The following CDON variants were observed in gnomAD, a reference collection of about 807,000 sequenced individuals.
CDON encodes cell adhesion molecule-related/down-regulated by oncogenes.
CDON carries 73 observed loss-of-function variants against 120.9 expected under a neutral mutation model. That is an observed-to-expected ratio of 0.60 (90% CI 0.50 to 0.73). CDON has a LOEUF of 0.73. Ranked by LOEUF, CDON falls within the 30% of genes least tolerant of loss-of-function variation. CDON has a pLI of 0.00. For synonymous variants in CDON, 566 were observed against 573.5 expected, an observed-to-expected ratio of 0.99 and a Z score of 0.19; for missense variants, 1,470 against 1,587.3, an observed-to-expected ratio of 0.93 and a Z score of 1.26.
chr11:126,013,901 A>C (rs948905669), intron 7 of CDON, among the ~76,000 whole-genome samples: 1 of 152,086 alleles, frequency 6.6e-6, no homozygotes, highest in African/African-American at 2.4e-5. Flanking sequence ...CAGCCACAGA[A>C]GGCTATAAAT....
chr11:125,960,552 C>A lies in CDON; in HGVS notation c.*390G>T. The A allele has an allele frequency of 8.7e-6, 2 of 229,402 alleles. No homozygotes were observed. Among genetic ancestry groups the A allele is most frequent in the Non-Finnish European group, 1.7e-5 (2 of 116,280 alleles). The allele number at this position is 229,402 out of a possible 1,614,324, so 14.2% of individuals were successfully genotyped here. A position where few individuals can be genotyped will look rare whatever the true frequency, so the allele number is the denominator to read the frequency against. ...GAAAGACCATTTTCCACCTGAAAAC[C>A]CAGCTGGTGGCAACCTTCAACGGGC... On this transcript the variant is annotated 3_prime_UTR_variant, in exon 20 of 20. Coordinates refer to ENST00000531738, the MANE Select transcript of CDON (RefSeq NM_001378964.1).
chr11:125,976,045 T>C (rs947513344), intron 18 of CDON, among the ~76,000 whole-genome samples: 1 of 152,200 alleles, frequency 6.6e-6, no homozygotes, highest in Non-Finnish European at 1.5e-5. Flanking sequence ...ATAGTAACAA[T>C]GTCGATATTC....
chr11:125,984,696 CAAAAAA>C (rs11306066), intron 15 of CDON, among the ~76,000 whole-genome samples: 1 of 115,418 alleles, frequency 8.7e-6, no homozygotes, highest in Non-Finnish European at 1.8e-5. Context: ...GATTCTGTCT[CAAAAAA>C]AAAAAAAAAA....
intron 11 of CDON, among the ~76,000 whole-genome samples, chr11:125,999,189 T>C (rs1946869278): frequency 6.6e-6 from 1 of 152,244 alleles, no homozygotes; most frequent in African/African-American, 2.4e-5. Flanking sequence ...GAATCTTTTT[T>C]AATACTAGAA....
chr11:126,029,640 C>T (rs1280820285), intron 1 of CDON, among the ~76,000 whole-genome samples: 1 of 151,950 alleles, frequency 6.6e-6, no homozygotes, highest in Non-Finnish European at 1.5e-5. Context: ...GAATTTGATT[C>T]CTTATGTGAA....
Position 125,961,806 on chromosome 11 carries a change from G to C in CDON, c.3549C>G (p.Val1183=), listed in dbSNP as rs2276061. The change falls in exon 19 of 20, where the codon GTC becomes GTG. Residue 1183 remains valine (V), a synonymous_variant. Transcript: ENST00000531738. The part of the protein sequence containing the change: ...EESVKDNVEP[V]PTQRTCCQDI... ...CCTGACAGCAGGTACGCTGAGTAGG[G>C]ACTGGTTCCACATTGTCCTTGACGC... 1.4e-5 allele frequency: 22 copies of C among 1,613,860 alleles called. No individual in the cohort carries two copies. Among genetic ancestry groups the C allele is most frequent in the Non-Finnish European group, 1.9e-5 (22 of 1,179,928 alleles).
intron 1 of CDON, among the ~76,000 whole-genome samples, chr11:126,054,473 G>A (rs185795157): frequency 4.3e-4 from 66 of 152,136 alleles, no homozygotes; most frequent in African/African-American, 1.5e-3. Flanking sequence ...TAAAGCTTTC[G>A]TTTATCTTCA....
At chr11:126,001,961 A>G in intron 10 of CDON, 111 bp from the exon 11 acceptor site, 1 of 807,112 alleles carries the variant, frequency 1.2e-6, no homozygotes, top group Admixed American at 1.9e-5. Flanking sequence ...TTATGAACTT[A>G]TCAGACACAG....
intron 1 of CDON, among the ~76,000 whole-genome samples, chr11:126,026,633 G>A (rs1271913729): frequency 6.6e-6 from 1 of 152,194 alleles, no homozygotes; most frequent in African/African-American, 2.4e-5. Flanking sequence ...GTGGATATCA[G>A]GTTATGAATC....
In CDON at chr11:125,987,547, G is replaced by T. The variant is rs3809002; in HGVS notation, c.2773+2090C>A. ...CAATATGAATAGTTAACATTTCAAA[G>T]ATGTTTTTTGTTTTCCACTGACCTG... On this transcript the variant is annotated intron_variant, in intron 15 of 19. Transcript: ENST00000531738. Among the ~76,000 whole-genome samples the T allele has an allele frequency of 3.3e-5, 5 of 152,304 alleles. No homozygotes were observed. The East Asian group carries it at 9.6e-4, about 29-fold the overall frequency.
At chr11:126,002,987 G>A (rs775650226) in intron 10 of CDON, among the ~76,000 whole-genome samples, 1 of 152,114 alleles carries the variant, frequency 6.6e-6, no homozygotes, top group Admixed American at 6.6e-5. Context: ...GAGACACGTG[G>A]CTTTCTACTT....
At chr11:126,059,741 A>G (rs1833193986) in intron 1 of CDON, among the ~76,000 whole-genome samples, 1 of 152,146 alleles carries the variant, frequency 6.6e-6, no homozygotes, top group Non-Finnish European at 1.5e-5. Flanking sequence ...AGGGCTCTCA[A>G]AAGGCACCAG....
At chr11:125,988,211 A>C (rs754072692) in intron 15 of CDON, among the ~76,000 whole-genome samples, 56 of 152,042 alleles carry the variant, frequency 3.7e-4, no homozygotes, top group Non-Finnish European at 7.2e-4. Flanking sequence ...GGGAAGATCT[A>C]GTAGAGGACG....
intron 1 of CDON, among the ~76,000 whole-genome samples, chr11:126,057,569 G>A (rs1223483710): frequency 6.6e-6 from 1 of 152,170 alleles, no homozygotes; most frequent in African/African-American, 2.4e-5. Flanking sequence ...TGGGCACCAG[G>A]GAGCTTTCTA....
At chr11:126,060,506 C>T (rs1186386675) in intron 1 of CDON, among the ~76,000 whole-genome samples, 1 of 151,918 alleles carries the variant, frequency 6.6e-6, no homozygotes, top group Non-Finnish European at 1.5e-5. Flanking sequence ...AATCATTTCC[C>T]TAGTATTTAA....
chr11:126,002,871 G>A (rs1490558462), intron 10 of CDON, among the ~76,000 whole-genome samples: 2 of 152,058 alleles, frequency 1.3e-5, no homozygotes, highest in African/African-American at 2.4e-5. Context: ...CCTCACCCAC[G>A]TTGCTCCCAT....
chr11:125,999,664 T>A lies in CDON; in HGVS notation c.2158+2055A>T, dbSNP rs186270888. Reference sequence around the variant, plus strand: ...TCTGGTGCCCACACCCAATCCATCATCTTTCTCCTTCTCATTCAGTGTGGA... The same window carrying A: ...TCTGGTGCCCACACCCAATCCATCAACTTTCTCCTTCTCATTCAGTGTGGA... On this transcript the variant is annotated intron_variant, in intron 11 of 19. Transcript: ENST00000531738. Among the ~76,000 whole-genome samples, 44 of 152,272 alleles carry A rather than the reference T, an allele frequency of 2.9e-4. 1 individual carries two copies. The East Asian group carries it at 8.5e-3, about 29-fold the overall frequency.
intron 1 of CDON, among the ~76,000 whole-genome samples, chr11:126,057,088 T>A (rs915237590): frequency 6.6e-6 from 1 of 152,152 alleles, no homozygotes; most frequent in Non-Finnish European, 1.5e-5. Flanking sequence ...GTTTTCAAAG[T>A]ATTTGGTTTA....
intron 8 of CDON, among the ~76,000 whole-genome samples, chr11:126,007,470 TGTGATCTGGTG>T (rs1947160769): frequency 6.6e-6 from 1 of 152,072 alleles, no homozygotes; most frequent in African/African-American, 2.4e-5. Context: ...ATGTTCAGGG[TGTGATCTGGTG>T]CCTGCTAATG....
Sources: allele counts gnomAD v4.1 joint callset (sites outside exome capture counted in the v4.1 genomes callset), GRCh38; gene constraint gnomAD v4.1.1; transcripts MANE v1.5; gene names NCBI Gene and HGNC (gene_info 2026-07-23, HGNC 2026-07-21).